The following METTL27 variants were observed in gnomAD, a reference collection of about 807,000 sequenced individuals.
METTL27 encodes the protein methyltransferase-like protein 27.
A neutral mutation model predicts 24.5 loss-of-function variants in METTL27; 29 were observed. That is an observed-to-expected ratio of 1.18 (90% CI 0.88 to 1.61). The LOEUF is 1.61. Among genes scored for constraint, METTL27 ranks in the 40% most tolerant of loss-of-function variants. The pLI is 0.00. For synonymous variants in METTL27, 138 were observed against 146.8 expected, an observed-to-expected ratio of 0.94 and a Z score of 0.43; for missense variants, 341 against 324.3, an observed-to-expected ratio of 1.05 and a Z score of -0.40.
Position 73,842,030 on chromosome 7 carries a change from CG to C in METTL27, c.110del (p.Pro37ArgfsTer34). 6.2e-7 allele frequency: 1 copy of C among 1,614,118 alleles called. No individual in the cohort carries two copies. Among genetic ancestry groups the C allele is most frequent in the Non-Finnish European group, 8.5e-7 (1 of 1,179,996 alleles). Reference protein sequence around the residue: ...QKLHFYDRWAPDYDQDVATLL... With the variant: ...QKLHFYDRWAXDYDQDVATLL... Reference sequence around the variant, plus strand: ...CAAATGAGTTTACCTGGTCGTAGTCCGGAGCCCAGCGGTCATAGAAATGGAG... The same window carrying C: ...CAAATGAGTTTACCTGGTCGTAGTCCGAGCCCAGCGGTCATAGAAATGGAG... On this transcript the variant is annotated frameshift_variant, in exon 2 of 6. Transcript: ENST00000297873. LOFTEE classifies it high-confidence loss of function.
chr7:73,840,154 G>A, intron 4 of METTL27, 34 bp from the exon 5 acceptor site: 5 of 1,572,306 alleles, frequency 3.2e-6, no homozygotes, highest in Non-Finnish European at 4.3e-6. Context: ...GGGACATGGT[G>A]TGATGCTTGG....
intron 2 of METTL27, 151 bp downstream of exon 2, chr7:73,841,867 G>T: frequency 7.8e-7 from 1 of 1,285,926 alleles, no homozygotes; most frequent in South Asian, 1.4e-5. Flanking sequence ...CAGAGCTGTG[G>T]GGCGGGTTCT....
intron 5 of METTL27, among the ~76,000 whole-genome samples, chr7:73,837,256 G>A (rs1296663586): frequency 7.6e-6 from 1 of 131,210 alleles, no homozygotes; most frequent in Non-Finnish European, 1.6e-5. Flanking sequence ...CCCCCTCTGT[G>A]AGAAACACCC....
At chr7:73,835,974 TGGC>T (rs1788171129) in intron 5 of METTL27, among the ~76,000 whole-genome samples, 185 of 136,984 alleles carry the variant, frequency 1.4e-3, no homozygotes, top group South Asian at 3.9e-3. Flanking sequence ...CCCCTCCGCC[TGGC>T]AGCCGCCCCG....
At chr7:73,839,862 C>T in intron 5 of METTL27, 169 bp downstream of exon 5, 1 of 582,596 alleles carries the variant, frequency 1.7e-6, no homozygotes, top group Non-Finnish European at 2.8e-6. Flanking sequence ...GGCCTGTTTG[C>T]CTGGGTCTGC....
chr7:73,839,971 T>C, intron 5 of METTL27, 60 bp downstream of exon 5: 1 of 1,474,502 alleles, frequency 6.8e-7, no homozygotes, highest in Non-Finnish European at 9.3e-7. Flanking sequence ...GTCTGCACTA[T>C]GCACAGGGGA....
chr7:73,834,628 G>C lies in METTL27; in HGVS notation c.*115C>G. The C allele has an allele frequency of 1.2e-6, 1 of 844,772 alleles. No homozygotes were observed. Among genetic ancestry groups the C allele is most frequent in the Non-Finnish European group, 1.8e-6 (1 of 545,360 alleles). The allele number at this position is 844,772 out of a possible 1,614,324, so 52.3% of individuals were successfully genotyped here. ...CATTTAATAGGCAGGGCATTTCTGA[G>C]GGGCAGGGTTGGTTCGGAGGTCCCA... On this transcript the variant is annotated 3_prime_UTR_variant, in exon 6 of 6. Coordinates refer to ENST00000297873, the MANE Select transcript of METTL27 (RefSeq NM_152559.3).
intron 3 of METTL27, 131 bp downstream of exon 3, chr7:73,840,930 GCCACAGTAT>G: frequency 7.7e-7 from 1 of 1,297,274 alleles, no homozygotes; most frequent in Non-Finnish European, 1.0e-6. Flanking sequence ...CATAGTGTGA[GCCACAGTAT>G]GCCTGGTCCT....
intron 5 of METTL27, among the ~76,000 whole-genome samples, chr7:73,835,838 A>G (rs1788160602): frequency 8.4e-6 from 1 of 118,922 alleles, no homozygotes; most frequent in African/African-American, 3.0e-5. Context: ...CCATTGTCTG[A>G]GATGTGGGGA....
intron 5 of METTL27, among the ~76,000 whole-genome samples, chr7:73,836,133 G>A (rs1326434331): frequency 9.0e-6 from 1 of 111,604 alleles, no homozygotes; most frequent in African/African-American, 3.0e-5. Flanking sequence ...AGGGAGGTGG[G>A]GGGGTCAGCC....
At chr7:73,837,308 TAAAAAAAATA>T (rs1244382699) in intron 5 of METTL27, among the ~76,000 whole-genome samples, 3 of 131,874 alleles carry the variant, frequency 2.3e-5, no homozygotes, top group African/African-American at 6.2e-5. Context: ...TAAATAAATT[TAAAAAAAATA>T]AAAAAAAATA....
In METTL27 at chr7:73,842,165, T is replaced by A. The variant is rs782715137; in HGVS notation, c.-4-21A>T. The stretch of plus-strand genomic sequence containing the variant: ...TGCTCCTGTGGGGACACCGTTGCCC[T>A]GTCTCGAGGTCCACCTCAATCGCCC... On this transcript the variant is annotated intron_variant, in intron 1 of 5. Transcript: ENST00000297873. The A allele has an allele frequency of 3.8e-6, 6 of 1,585,706 alleles. No homozygotes were observed. The Admixed American group carries it at 9.0e-5, about 24-fold the overall frequency.
In METTL27 at chr7:73,840,128, TGTGTGGGGGG is replaced by T; in HGVS notation, c.389-18_389-9del. On this transcript the variant is annotated splice_polypyrimidine_tract_variant and intron_variant, in intron 4 of 5. Transcript: ENST00000297873. ...GCACCGCGTCGAAGGTCCCTGTGTGTGTGTGGGGGGGGGTGGGGACATGGTGTGATGCTTG... is the reference window on the plus strand; with the variant it reads ...GCACCGCGTCGAAGGTCCCTGTGTGTGGGTGGGGACATGGTGTGATGCTTG... The T allele has an allele frequency of 2.5e-6, 3 of 1,210,854 alleles. No individual in the cohort carries two copies. Among genetic ancestry groups the T allele is most frequent in the Non-Finnish European group, 3.3e-6 (3 of 906,572 alleles). 75.0% of individuals were successfully genotyped at this position (1,210,854 alleles called of 1,614,324 possible). A position where few individuals can be genotyped will look rare whatever the true frequency, so the allele number is the denominator to read the frequency against.
rs369421566 is a variant in METTL27, at chr7:73,840,318, G to A, written c.388+96C>T. On this transcript the variant is annotated intron_variant, in intron 4 of 5. Transcript: ENST00000297873. Reference sequence around the variant, plus strand: ...TCGTGGGGTGCAGGGTTGAGTGAGGGACTGGGAGCTTAGTGTGGGAGAGGG... The same window carrying A: ...TCGTGGGGTGCAGGGTTGAGTGAGGAACTGGGAGCTTAGTGTGGGAGAGGG... 5.2e-6 allele frequency: 8 copies of A among 1,529,240 alleles called. No homozygotes were observed. In the East Asian group the frequency reaches 7.3e-5, roughly 14 times the overall value. The allele number at this position is 1,529,240 out of a possible 1,614,324, so 94.7% of individuals were successfully genotyped here.
chr7:73,840,591 C>A (rs371085056), intron 3 of METTL27, 42 bp from the exon 4 acceptor site: 2 of 1,530,840 alleles, frequency 1.3e-6, no homozygotes, highest in East Asian at 2.3e-5. Context: ...TCACACCTGC[C>A]ACTTCCCGGC....
In METTL27 at chr7:73,842,000, G is replaced by A. The variant is rs782527353; in HGVS notation, c.123+18C>T. The A allele has an allele frequency of 6.2e-7, 1 of 1,614,018 alleles. No homozygotes were observed. The highest frequency in any genetic ancestry group is 2.2e-5 in the East Asian group (1 of 44,868). Reference sequence around the variant, plus strand: ...ATGGAGGCTGGTCTAGTGGAGGCAAGGCCCCAAATGAGTTTACCTGGTCGT... The same window carrying A: ...ATGGAGGCTGGTCTAGTGGAGGCAAAGCCCCAAATGAGTTTACCTGGTCGT... On this transcript the variant is annotated intron_variant, in intron 2 of 5. Transcript: ENST00000297873.
At chr7:73,842,279 A>C in intron 1 of METTL27, 135 bp from the exon 2 acceptor site, 1 of 1,377,576 alleles carries the variant, frequency 7.3e-7, no homozygotes, top group South Asian at 1.5e-5. Context: ...CCCCTATCCC[A>C]GATGGGGACA....
chr7:73,840,587 C>T (rs1554636235), intron 3 of METTL27, 38 bp from the exon 4 acceptor site: 1 of 1,533,382 alleles, frequency 6.5e-7, no homozygotes, highest in Admixed American at 2.1e-5. Flanking sequence ...TGGTTCACAC[C>T]TGCCACTTCC....
rs1563649861 is a variant in METTL27 at position 73,836,557 on chromosome 7, GCCCCCCCAT to G, written c.479-1564_479-1556del. On this transcript the variant is annotated intron_variant, in intron 5 of 5. Transcript: ENST00000297873. ...GGGGGGTCAGCCCCCTGCCCGGCCAGCCCCCCCATCCGGGAAGTGAGGGGCGCCTCTGCC... is the reference window on the plus strand; with the variant it reads ...GGGGGGTCAGCCCCCTGCCCGGCCAGCCGGGAAGTGAGGGGCGCCTCTGCC... 5.3e-4 allele frequency among the ~76,000 whole-genome samples: 7 copies of G among 13,204 alleles called. 3 individuals are homozygous for G. The highest frequency in any genetic ancestry group is 7.3e-4 in the African/African-American group (2 of 2,722). The allele number at this position is 13,204 out of a possible 152,430, so 8.7% of individuals were successfully genotyped here.
Sources: gnomAD v4.1 joint callset for allele counts (sites outside exome capture counted in the v4.1 genomes callset) on GRCh38, gnomAD v4.1.1 for gene constraint, MANE v1.5 for transcripts, NCBI Gene and HGNC (gene_info 2026-07-23, HGNC 2026-07-21) for gene names.